Variants in ASIC2 observed in about 807,000 individuals in gnomAD.
The protein encoded by ASIC2 is acid-sensing ion channel 2.
In ASIC2, 25 loss-of-function variants were observed where a neutral mutation model predicts 57.3. The ratio of observed to expected loss-of-function variants is 0.44; its 90% CI spans 0.32 to 0.61. The LOEUF (loss-of-function observed/expected upper bound fraction) is 0.61. Ranked by LOEUF, ASIC2 falls within the 20% of genes least tolerant of loss-of-function variation. ASIC2 has a pLI of 0.06. For synonymous variants in ASIC2, 319 were observed against 307.5 expected (o/e 1.04, Z -0.39); for missense variants, 641 against 738.1 (o/e 0.87, Z 1.52).
intron 7 of ASIC2, 114 bp downstream of exon 7, chr17:33,021,105 T>C: frequency 1.4e-6 from 1 of 709,574 alleles, no homozygotes; most frequent in Non-Finnish European, 2.3e-6. Flanking sequence ...AATCAAAAGG[T>C]TAGACTCCTC....
intron 1 of ASIC2, among the ~76,000 whole-genome samples, chr17:33,259,571 C>G (rs570056564): frequency 1.3e-5 from 2 of 152,128 alleles, no homozygotes; most frequent in African/African-American, 2.4e-5. Flanking sequence ...CAGGCTGTGT[C>G]TTGGTGGTAG....
chr17:33,314,014 C>A (rs1567819983), intron 1 of ASIC2, among the ~76,000 whole-genome samples: 2 of 152,124 alleles, frequency 1.3e-5, no homozygotes, highest in Admixed American at 6.5e-5. Flanking sequence ...CTTGATTATA[C>A]TTTGATTACT....
chr17:34,121,696 T>G (rs550759343), intron 1 of ASIC2, among the ~76,000 whole-genome samples: 9 of 152,286 alleles, frequency 5.9e-5, no homozygotes, highest in African/African-American at 2.2e-4. Context: ...TCAAGATACT[T>G]CATGATGAAG....
At chr17:34,076,404 C>T (rs1909654988) in intron 1 of ASIC2, among the ~76,000 whole-genome samples, 1 of 152,126 alleles carries the variant, frequency 6.6e-6, no homozygotes, top group Non-Finnish European at 1.5e-5. Context: ...CACTTCCAAT[C>T]CCCTCTCCCT....
chr17:33,992,850 T>A (rs190995799), intron 1 of ASIC2, among the ~76,000 whole-genome samples: 10 of 152,164 alleles, frequency 6.6e-5, no homozygotes, highest in African/African-American at 2.4e-4. Flanking sequence ...ATGACCAGAG[T>A]CAGCAAACCT....
chr17:33,090,091 C>T (rs2141966515), intron 2 of ASIC2, among the ~76,000 whole-genome samples: 1 of 152,312 alleles, frequency 6.6e-6, no homozygotes, highest in Admixed American at 6.5e-5. Context: ...GTAGCCTCTG[C>T]CTCGAGGCAC....
At chr17:33,136,158 G>A (rs2092366249) in intron 1 of ASIC2, among the ~76,000 whole-genome samples, 1 of 152,176 alleles carries the variant, frequency 6.6e-6, no homozygotes, top group Non-Finnish European at 1.5e-5. Flanking sequence ...CTGGGGGTGT[G>A]GATGTGTCTG....
intron 3 of ASIC2, among the ~76,000 whole-genome samples, chr17:33,054,418 A>G (rs1049348745): frequency 1.3e-5 from 2 of 152,180 alleles, no homozygotes; most frequent in East Asian, 3.9e-4. Flanking sequence ...TTAGCAAGTG[A>G]TAGTCCTTGA....
chr17:33,283,731 C>A (rs1905047613), intron 1 of ASIC2, among the ~76,000 whole-genome samples: 1 of 152,184 alleles, frequency 6.6e-6, no homozygotes, highest in African/African-American at 2.4e-5. Flanking sequence ...TCACTCCTAC[C>A]TCTGGAGTTA....
intron 1 of ASIC2, among the ~76,000 whole-genome samples, chr17:33,346,518 A>G (rs867152829): frequency 6.6e-6 from 1 of 152,116 alleles, no homozygotes; most frequent in Non-Finnish European, 1.5e-5. Flanking sequence ...ACACCTGTGT[A>G]TGTGTGTGCA....
chr17:33,872,689 A>ATCGC (rs1286917997), intron 1 of ASIC2, among the ~76,000 whole-genome samples: 1 of 152,144 alleles, frequency 6.6e-6, no homozygotes, highest in East Asian at 1.9e-4. Context: ...ACCCCCAGTA[A>ATCGC]TCGCTCACCC....
intron 1 of ASIC2, among the ~76,000 whole-genome samples, chr17:33,720,019 T>C (rs1385071278): frequency 1.3e-5 from 2 of 152,204 alleles, no homozygotes; most frequent in African/African-American, 2.4e-5. Context: ...TATCGGGGAA[T>C]ACAGGTGTGC....
At chr17:33,835,837 G>T (rs977130697) in intron 1 of ASIC2, among the ~76,000 whole-genome samples, 1 of 151,720 alleles carries the variant, frequency 6.6e-6, no homozygotes, top group African/African-American at 2.4e-5. Flanking sequence ...TTTTAGAGAT[G>T]GGATTTCACC....
At chr17:33,940,657 C>T (rs985671304) in intron 1 of ASIC2, among the ~76,000 whole-genome samples, 1 of 152,174 alleles carries the variant, frequency 6.6e-6, no homozygotes, top group African/African-American at 2.4e-5. Context: ...CCTGGCTTCC[C>T]AGAGCTTGGA....
At chr17:33,711,102 CA>C (rs1909020001) in intron 1 of ASIC2, among the ~76,000 whole-genome samples, 1 of 152,106 alleles carries the variant, frequency 6.6e-6, no homozygotes, top group Admixed American at 6.5e-5. Flanking sequence ...AGGTGTGAGC[CA>C]ACACAGTACA....
At chr17:33,251,491 G>A (rs569237498) in intron 1 of ASIC2, among the ~76,000 whole-genome samples, 9 of 152,158 alleles carry the variant, frequency 5.9e-5, no homozygotes, top group East Asian at 1.9e-4. Context: ...CACCATGCTC[G>A]TCTAATTTTT....
At chr17:33,264,266 A>G (rs1304467085) in intron 1 of ASIC2, among the ~76,000 whole-genome samples, 1 of 152,240 alleles carries the variant, frequency 6.6e-6, no homozygotes, top group Non-Finnish European at 1.5e-5. Context: ...CAGCTCTTAC[A>G]GGGCCTAGAG....
chr17:33,679,394 C>T (rs1277327341), intron 1 of ASIC2, among the ~76,000 whole-genome samples: 1 of 152,178 alleles, frequency 6.6e-6, no homozygotes, highest in Admixed American at 6.5e-5. Flanking sequence ...ATTGGTATCC[C>T]AAGGACTTGT....
chr17:33,489,079 T>G (rs1028852052), intron 1 of ASIC2, among the ~76,000 whole-genome samples: 2 of 152,206 alleles, frequency 1.3e-5, no homozygotes, highest in Non-Finnish European at 2.9e-5. Flanking sequence ...ATACCATTCC[T>G]GATGGTCCAG....
Sources: allele counts gnomAD v4.1 joint callset (sites outside exome capture counted in the v4.1 genomes callset), GRCh38; gene constraint gnomAD v4.1.1; transcripts MANE v1.5; gene names NCBI Gene and HGNC (gene_info 2026-07-23, HGNC 2026-07-21).